Variants in FECH observed in about 807,000 individuals in gnomAD.
FECH encodes the protein ferrochelatase, also known as ferrochelatase, mitochondrial.
In FECH, 40 loss-of-function variants were observed where a neutral mutation model predicts 56.9. That is an observed-to-expected ratio of 0.70 (90% CI 0.55 to 0.92). The LOEUF (loss-of-function observed/expected upper bound fraction) is 0.92. FECH is among the 40% of genes least tolerant of loss of function. The probability of loss-of-function intolerance (pLI) is 0.00; values close to 1 mark genes in which losing one functional copy is unlikely to be tolerated. For missense variants in FECH, 431 were observed against 529.1 expected (o/e 0.81, Z 1.82); for synonymous variants, 175 against 198.6 (o/e 0.88, Z 1.00).
intron 4 of FECH, among the ~76,000 whole-genome samples, chr18:57,571,067 G>C (rs2051098065): frequency 6.6e-6 from 1 of 152,220 alleles, no homozygotes; most frequent in South Asian, 2.1e-4. Flanking sequence ...TTTCTTTCCA[G>C]TGTAATGATA....
At chr18:57,556,769 G>C (rs2050872602) in intron 7 of FECH, among the ~76,000 whole-genome samples, 1 of 151,814 alleles carries the variant, frequency 6.6e-6, no homozygotes, top group Non-Finnish European at 1.5e-5. Context: ...ATATTAGCTG[G>C]GTGTGGTGGT....
intron 2 of FECH, among the ~76,000 whole-genome samples, chr18:57,574,122 G>A (rs1484478133): frequency 2.0e-5 from 3 of 152,070 alleles, no homozygotes; most frequent in African/African-American, 2.4e-5. Context: ...CTCCTGCCTC[G>A]GCCTCCCAAG....
At chr18:57,580,285 T>A (rs542662559) in intron 1 of FECH, 86 bp from the exon 2 acceptor site, 2 of 1,530,460 alleles carry the variant, frequency 1.3e-6, no homozygotes, top group South Asian at 1.1e-5. Flanking sequence ...TTCCTGACTT[T>A]AAAATTTAAA....
chr18:57,569,701 C>T (rs2051068293), intron 4 of FECH, among the ~76,000 whole-genome samples: 1 of 151,816 alleles, frequency 6.6e-6, no homozygotes, highest in Admixed American at 6.6e-5. Context: ...GGGGTGTGCC[C>T]CACCCCCATG....
At chr18:57,559,275 G>A (rs2050909785) in intron 6 of FECH, 32 bp from the exon 7 acceptor site, 2 of 1,409,244 alleles carry the variant, frequency 1.4e-6, no homozygotes, top group Non-Finnish European at 2.0e-6. Flanking sequence ...AGGATAAAGA[G>A]GAAGGGAAGA....
rs372495425 is a variant in FECH, at chr18:57,554,448, G to A, written c.913-24C>T. On this transcript the variant is annotated intron_variant, in intron 8 of 10. Coordinates refer to ENST00000262093, the MANE Select transcript of FECH (RefSeq NM_000140.5). ...ACCTATGCGAAAGATAGACGAATGC[G>A]TAAGTGGACTATGCCTCCTGACGGT... 1.6e-5 allele frequency: 26 copies of A among 1,613,752 alleles called. No individual in the cohort carries two copies. The African/African-American group carries it at 1.9e-4, about 12-fold the overall frequency.
Position 57,548,080 on chromosome 18 carries a change from A to T in FECH, c.*2632T>A, listed in dbSNP as rs1442578667. Among the ~76,000 whole-genome samples, 1 of 151,894 alleles carries T rather than the reference A, an allele frequency of 6.6e-6. No homozygotes were observed. Among genetic ancestry groups the T allele is most frequent in the Non-Finnish European group, 1.5e-5 (1 of 67,960 alleles). ...AGCCTGGACAACATGGCAAAACCCCATCTCTACAAAAAATATAAAAAAGTA... is the reference window on the plus strand; with the variant it reads ...AGCCTGGACAACATGGCAAAACCCCTTCTCTACAAAAAATATAAAAAAGTA... On this transcript the variant is annotated 3_prime_UTR_variant, in exon 11 of 11. Transcript: ENST00000262093.
At chr18:57,578,820 G>A (rs1228278346) in intron 2 of FECH, among the ~76,000 whole-genome samples, 1 of 151,598 alleles carries the variant, frequency 6.6e-6, no homozygotes, top group Non-Finnish European at 1.5e-5. Flanking sequence ...TCAGCTGGGT[G>A]TGGTGGCATG....
chr18:57,554,305 C>A lies in FECH; in HGVS notation c.1032G>T (p.Thr344=). 6.2e-7 allele frequency: 1 copy of A among 1,614,192 alleles called. No individual in the cohort carries two copies. The highest frequency in any genetic ancestry group is 1.1e-5 in the South Asian group (1 of 91,080). Residue 344 remains threonine, a synonymous_variant, in exon 9 of 11, where the codon ACG becomes ACT. Coordinates refer to ENST00000262093, the MANE Select transcript of FECH (RefSeq NM_000140.5). ...PIAFTSDHIE[T]LYELDIEYSQ... is the part of the protein sequence containing the mutation. Reference sequence around the variant, plus strand: ...AGTACTCGATGTCCAGCTCATACAGCGTTTCAATATGGTCACTGGTAAATG... The same window carrying A: ...AGTACTCGATGTCCAGCTCATACAGAGTTTCAATATGGTCACTGGTAAATG...
At chr18:57,569,200 A>C (rs755761983) in intron 4 of FECH, among the ~76,000 whole-genome samples, 1 of 152,260 alleles carries the variant, frequency 6.6e-6, no homozygotes, top group African/African-American at 2.4e-5. Context: ...ACTTTCCATC[A>C]CATGATTACA....
chr18:57,550,368 ACCCTT>A lies in FECH; in HGVS notation c.*339_*343del. The A allele has an allele frequency of 3.4e-6, 1 of 297,324 alleles. No individual in the cohort carries two copies. Among genetic ancestry groups the A allele is most frequent in the East Asian group, 8.3e-5 (1 of 12,076 alleles). 18.4% of individuals were successfully genotyped at this position (297,324 alleles called of 1,614,324 possible). On this transcript the variant is annotated 3_prime_UTR_variant, in exon 11 of 11. Transcript: ENST00000262093. ...CCAGCCCACAGAGGGGACTCTCCGT[ACCCTT>A]TCAGGAGGGTTTTGGGCAATAAAGC...
rs1404461959 is a variant in FECH at position 57,586,659 on chromosome 18, C to G, written c.-39G>C. 6 of 1,484,600 alleles carry G rather than the reference C, an allele frequency of 4.0e-6. No homozygotes were observed. In the South Asian group the frequency reaches 5.0e-5, roughly 12 times the overall value. The allele number at this position is 1,484,600 out of a possible 1,614,324, so 92.0% of individuals were successfully genotyped here. ...TCGGCCCGAGTCCGGGCTCCTCCCG[C>G]GGCGGCGCGCCCAGGTGTCCGCCCA... On this transcript the variant is annotated 5_prime_UTR_variant, in exon 1 of 11. Coordinates refer to ENST00000262093, the MANE Select transcript of FECH (RefSeq NM_000140.5).
intron 3 of FECH, 32 bp downstream of exon 3, chr18:57,573,214 G>C (rs1248035496): frequency 6.2e-7 from 1 of 1,604,118 alleles, no homozygotes; most frequent in South Asian, 1.1e-5. Context: ...GTAGTGCCAA[G>C]GTTATAATTG....
intron 10 of FECH, 179 bp downstream of exon 10, chr18:57,551,136 G>T: frequency 1.5e-6 from 1 of 651,586 alleles, no homozygotes. Context: ...GTAGAAATCA[G>T]AAAATTGGGG....
intron 5 of FECH, among the ~76,000 whole-genome samples, chr18:57,565,740 T>C (rs2051007748): frequency 6.6e-6 from 1 of 152,236 alleles, no homozygotes; most frequent in Non-Finnish European, 1.5e-5. Flanking sequence ...TAAACATTAA[T>C]ATCCAAAAGC....
chr18:57,554,741 GAAGAGCCTGACCATGTGT>G, intron 8 of FECH, 86 bp downstream of exon 8: 2 of 927,236 alleles, frequency 2.2e-6, no homozygotes, highest in Non-Finnish European at 3.5e-6. Context: ...TCAGGTTATG[GAAGAGCCTGACCATGTGT>G]AAGAGCCAAA....
chr18:57,575,267 C>T (rs1278946256), intron 2 of FECH, among the ~76,000 whole-genome samples: 1 of 152,138 alleles, frequency 6.6e-6, no homozygotes, highest in African/African-American at 2.4e-5. Flanking sequence ...AATAACCAGC[C>T]TGAAGTTTAT....
intron 7 of FECH, among the ~76,000 whole-genome samples, chr18:57,557,023 G>C (rs1187024354): frequency 1.3e-5 from 2 of 151,732 alleles, no homozygotes; most frequent in African/African-American, 2.4e-5. Context: ...CACAGTGTGG[G>C]ACCCTGGACT....
chr18:57,572,741 T>C lies in FECH; in HGVS notation c.314+505A>G, dbSNP rs951229127. On this transcript the variant is annotated intron_variant, in intron 3 of 10. Transcript: ENST00000262093. ...GTGCAAGGTGAAAGGGACACTTGCC[T>C]TTTACTGTAATTACTTTTATACTAT... Among the ~76,000 whole-genome samples, 11 of 152,078 alleles carry C rather than the reference T, an allele frequency of 7.2e-5. No individual in the cohort carries two copies. In the East Asian group the frequency reaches 2.1e-3, roughly 29 times the overall value.
Sources: gnomAD v4.1 joint callset for allele counts (sites outside exome capture counted in the v4.1 genomes callset) on GRCh38, gnomAD v4.1.1 for gene constraint, MANE v1.5 for transcripts, NCBI Gene and HGNC (gene_info 2026-07-23, HGNC 2026-07-21) for gene names.